The following TSHZ3 variants were observed in gnomAD, a reference collection of about 807,000 sequenced individuals.
TSHZ3 encodes teashirt zinc finger homeobox 3.
A neutral mutation model predicts 64.5 loss-of-function variants in TSHZ3; 10 were observed. The observed-to-expected ratio is 0.16, with a 90% confidence interval of 0.10 to 0.26. The LOEUF (loss-of-function observed/expected upper bound fraction) is 0.26, where lower values mean the gene tolerates loss of function less well. TSHZ3 is among the 10% of genes least tolerant of loss of function. The pLI is 1.00. For synonymous variants in TSHZ3, 608 were observed against 593.1 expected, an observed-to-expected ratio of 1.03 and a Z score of -0.36; for missense variants, 1,242 against 1,421.7, an observed-to-expected ratio of 0.87 and a Z score of 2.03.
chr19:31,328,252 G>C (rs1279066057), intron 1 of TSHZ3, among the ~76,000 whole-genome samples: 5 of 152,234 alleles, frequency 3.3e-5, no homozygotes, highest in Non-Finnish European at 1.5e-5. Context: ...CATGGAGCAG[G>C]GAACTCACTC....
chr19:31,176,996 T>C (rs745540690), intron 5 of TSHZ3, among the ~76,000 whole-genome samples: 4 of 152,152 alleles, frequency 2.6e-5, no homozygotes, highest in Non-Finnish European at 5.9e-5. Flanking sequence ...GTACCCTCCA[T>C]CCTGGCAATG....
At chr19:31,260,817 G>C (rs1001628620) in intron 1 of TSHZ3, among the ~76,000 whole-genome samples, 9 of 152,196 alleles carry the variant, frequency 5.9e-5, no homozygotes, top group African/African-American at 2.2e-4. Flanking sequence ...GAAAAGGAGA[G>C]GCAGGCTGTG....
intron 3 of TSHZ3, among the ~76,000 whole-genome samples, chr19:31,234,320 T>G (rs1193916714): frequency 6.6e-6 from 1 of 152,212 alleles, no homozygotes; most frequent in African/African-American, 2.4e-5. Flanking sequence ...GTTAATACAT[T>G]TTTATTTCTT....
chr19:31,333,529 G>A (rs1006781923), intron 1 of TSHZ3, among the ~76,000 whole-genome samples: 5 of 152,094 alleles, frequency 3.3e-5, no homozygotes, highest in Admixed American at 2.6e-4. Context: ...CAACCCCGTG[G>A]CATGCAGAGT....
intron 5 of TSHZ3, among the ~76,000 whole-genome samples, chr19:31,183,948 C>G (rs894688419): frequency 6.6e-6 from 1 of 152,102 alleles, no homozygotes; most frequent in African/African-American, 2.4e-5. Context: ...AATCTTCCAA[C>G]AATGTGTCTC....
Position 31,155,990 on chromosome 19 carries a change from G to T in TSHZ3, n.871+366C>A, listed in dbSNP as rs189263494. Among the ~76,000 whole-genome samples the T allele has an allele frequency of 1.6e-3, 250 of 152,278 alleles. 2 individuals are homozygous for T. Among genetic ancestry groups the T allele is most frequent in the African/African-American group, 5.7e-3 (235 of 41,568 alleles). On this transcript the variant is annotated intron_variant and non_coding_transcript_variant, in intron 6 of 6. Transcript: ENST00000651361. ...AATGATCTAATGATCACATTGCTTT[G>T]CTTTTGTTATTGTTGTTAACCAATC... is the stretch of plus-strand genomic sequence containing the variant.
At chr19:31,223,285 T>C (rs1330133244) in intron 4 of TSHZ3, among the ~76,000 whole-genome samples, 1 of 152,104 alleles carries the variant, frequency 6.6e-6, no homozygotes, top group East Asian at 1.9e-4. Context: ...TGTAGAGCCC[T>C]CTGTATTTGT....
At position 31,223,364 on chromosome 19, in the gene TSHZ3, ACG is replaced by A. The variant is rs1491463184; in HGVS notation, n.686+4639_686+4640del. The stretch of plus-strand genomic sequence containing the variant: ...ATGGACTCTAATTTTAGTTCTTATA[ACG>A]TGTGTGTGTGTGTGTGTGTGTGTGT... On this transcript the variant is annotated intron_variant and non_coding_transcript_variant, in intron 4 of 6. Coordinates refer to the TSHZ3 transcript ENST00000651361. Among the ~76,000 whole-genome samples the A allele has an allele frequency of 1.1e-3, 133 of 118,478 alleles. No individual in the cohort carries two copies. The South Asian group carries it at 0.018, about 16-fold the overall frequency. 77.7% of individuals were successfully genotyped at this position (118,478 alleles called of 152,430 possible).
At chr19:31,181,718 T>C (rs568916393) in intron 5 of TSHZ3, among the ~76,000 whole-genome samples, 2 of 152,322 alleles carry the variant, frequency 1.3e-5, no homozygotes, top group African/African-American at 2.4e-5. Context: ...AATGAGGAAG[T>C]GAAGGTACAG....
At chr19:31,171,379 C>T (rs982601453) in intron 5 of TSHZ3, among the ~76,000 whole-genome samples, 3 of 151,850 alleles carry the variant, frequency 2.0e-5, no homozygotes, top group Non-Finnish European at 4.4e-5. Flanking sequence ...GAGATGAGTC[C>T]CAAATCCATC....
chr19:31,254,997 T>A (rs938859622), intron 1 of TSHZ3, among the ~76,000 whole-genome samples: 4 of 152,144 alleles, frequency 2.6e-5, no homozygotes, highest in Admixed American at 6.5e-5. Flanking sequence ...CTTCAATGAA[T>A]GATAATGAAC....
chr19:31,229,844 A>AACTG (rs1975516221), intron 3 of TSHZ3, among the ~76,000 whole-genome samples: 1 of 152,226 alleles, frequency 6.6e-6, no homozygotes, highest in Non-Finnish European at 1.5e-5. Context: ...AAGATGTGCA[A>AACTG]ACTGAAACAA....
At chr19:31,299,274 C>T (rs1976715962) in intron 1 of TSHZ3, among the ~76,000 whole-genome samples, 1 of 152,208 alleles carries the variant, frequency 6.6e-6, no homozygotes, top group African/African-American at 2.4e-5. Context: ...GCCACGCCAC[C>T]TTGGCAAGGT....
rs756290407 is a variant in TSHZ3 at position 31,277,462 on chromosome 19, G to T, written c.2331C>A (p.Leu777=). 8 of 1,613,720 alleles carry T rather than the reference G, an allele frequency of 5.0e-6. No individual in the cohort carries two copies. Among genetic ancestry groups the T allele is most frequent in the Admixed American group, 3.3e-5 (2 of 59,956 alleles). ...PPLQSKKADH[L]DRYFYHVNND... ...TGTTGACGTGGTAGAAATAGCGGTCGAGGTGGTCTGCCTTCTTGGACTGCA... is the reference window on the plus strand; with the variant it reads ...TGTTGACGTGGTAGAAATAGCGGTCTAGGTGGTCTGCCTTCTTGGACTGCA... Residue 777 remains leucine, a synonymous_variant, in exon 2 of 2, where the codon CTC becomes CTA. Coordinates refer to ENST00000240587, the MANE Select transcript of TSHZ3 (RefSeq NM_020856.4). The surrounding 1 kb of genome is among the most constrained non-coding windows in gnomAD (Gnocchi z 4.5).
intron 1 of TSHZ3, among the ~76,000 whole-genome samples, chr19:31,341,613 T>A (rs924029931): frequency 1.7e-5 from 2 of 119,424 alleles, no homozygotes; most frequent in Non-Finnish European, 3.7e-5. Flanking sequence ...GCACTCACTC[T>A]CTCTCTCTCT....
At chr19:31,309,629 T>C (rs1916399143) in intron 1 of TSHZ3, among the ~76,000 whole-genome samples, 1 of 152,180 alleles carries the variant, frequency 6.6e-6, no homozygotes, top group Non-Finnish European at 1.5e-5. Context: ...CCAAGGTAGG[T>C]AAATGAAACG....
chr19:31,153,258 A>C (rs1458064683), intron 6 of TSHZ3, among the ~76,000 whole-genome samples: 1 of 152,234 alleles, frequency 6.6e-6, no homozygotes, highest in Non-Finnish European at 1.5e-5. Context: ...TTTAGGAAAA[A>C]ATATAACATG....
intron 1 of TSHZ3, among the ~76,000 whole-genome samples, chr19:31,336,849 T>C (rs58163324): frequency 0.031 from 4,671 of 152,294 alleles, 196 homozygotes; most frequent in African/African-American, 0.09. Context: ...CTTCTGTTCA[T>C]AATCAGACTT....
chr19:31,235,370 T>C (rs984406617), intron 3 of TSHZ3, among the ~76,000 whole-genome samples: 2 of 151,824 alleles, frequency 1.3e-5, no homozygotes, highest in Admixed American at 1.3e-4. Flanking sequence ...CAACCCCTGA[T>C]AGGCACCATT....
Sources: allele counts gnomAD v4.1 joint callset (sites outside exome capture counted in the v4.1 genomes callset), GRCh38; gene constraint gnomAD v4.1.1; non-coding constraint Gnocchi (gnomAD v3.1); transcripts MANE v1.5; gene names NCBI Gene and HGNC (gene_info 2026-07-23, HGNC 2026-07-21).